Variants in HOMER1 observed in about 807,000 individuals in gnomAD.
HOMER1 encodes the protein homer scaffold protein 1, also known as homer protein homolog 1.
In HOMER1, 3 loss-of-function variants were observed where a neutral mutation model predicts 48.9. The ratio of observed to expected loss-of-function variants is 0.06; its 90% CI spans 0.03 to 0.16. The LOEUF (loss-of-function observed/expected upper bound fraction) is 0.16, where lower values mean the gene tolerates loss of function less well. Ranked by LOEUF, HOMER1 falls within the 10% of genes least tolerant of loss-of-function variation. HOMER1 has a pLI of 1.00. For missense variants in HOMER1, 247 were observed against 411.4 expected, an observed-to-expected ratio of 0.60 and a Z score of 3.46; for synonymous variants, 134 against 146.4, an observed-to-expected ratio of 0.92 and a Z score of 0.61.
At chr5:79,432,427 A>T (rs1750451521) in intron 5 of HOMER1, among the ~76,000 whole-genome samples, 1 of 152,232 alleles carries the variant, frequency 6.6e-6, no homozygotes, top group Non-Finnish European at 1.5e-5. Context: ...CTAGGAATGG[A>T]TTGATGAACA....
rs1396065196 is a variant in HOMER1 at position 79,375,874 on chromosome 5, A to C, written c.*135T>G. On this transcript the variant is annotated 3_prime_UTR_variant, in exon 9 of 9. Coordinates refer to ENST00000334082, the MANE Select transcript of HOMER1 (RefSeq NM_004272.5). ...GTGAAATATACAATTCCAATTTCAA[A>C]AGATCCTCCTCCTGGAGGAGTGATA... 4.1e-6 allele frequency: 2 copies of C among 482,190 alleles called. No homozygotes were observed. The highest frequency in any genetic ancestry group is 6.7e-5 in the East Asian group (2 of 29,806). 29.9% of individuals were successfully genotyped at this position (482,190 alleles called of 1,614,324 possible).
intron 2 of HOMER1, among the ~76,000 whole-genome samples, chr5:79,456,074 G>T (rs964327857): frequency 2.0e-5 from 3 of 148,436 alleles, no homozygotes; most frequent in Admixed American, 6.8e-5. Context: ...AAAATCACTT[G>T]AACCCAGGAG....
intron 5 of HOMER1, among the ~76,000 whole-genome samples, chr5:79,418,109 C>T (rs1749994038): frequency 6.6e-6 from 1 of 152,158 alleles, no homozygotes; most frequent in African/African-American, 2.4e-5. Context: ...TTGTTAATAG[C>T]ATGTTACTTG....
chr5:79,492,319 C>T (rs1158214929), intron 1 of HOMER1, among the ~76,000 whole-genome samples: 1 of 152,042 alleles, frequency 6.6e-6, no homozygotes, highest in African/African-American at 2.4e-5. Flanking sequence ...ACTACTTTGA[C>T]TGAAAAGTGT....
Position 79,510,547 on chromosome 5 carries a change from G to C in HOMER1, c.5+2223C>G, listed in dbSNP as rs559567097. 5.3e-6 allele frequency: 4 copies of C among 749,242 alleles called. No homozygotes were observed. In the South Asian group the frequency reaches 5.4e-5, roughly 10 times the overall value. The allele number at this position is 749,242 out of a possible 1,614,324, so 46.4% of individuals were successfully genotyped here. A position where few individuals can be genotyped will look rare whatever the true frequency, so the allele number is the denominator to read the frequency against. On this transcript the variant is annotated intron_variant, in intron 1 of 8. Transcript: ENST00000334082. ...AATCTCTTAAGGGGGTGGACCCCAA[G>C]TTCCTGAGGAACATGCAGTTTGCCA... is the stretch of plus-strand genomic sequence containing the variant.
At chr5:79,430,211 G>A (rs2112262220) in intron 5 of HOMER1, among the ~76,000 whole-genome samples, 1 of 152,172 alleles carries the variant, frequency 6.6e-6, no homozygotes, top group South Asian at 2.1e-4. Context: ...ATGAGCAAAG[G>A]ATCTGAACAG....
At chr5:79,463,635 C>T (rs1243285409) in intron 1 of HOMER1, among the ~76,000 whole-genome samples, 1 of 152,234 alleles carries the variant, frequency 6.6e-6, no homozygotes, top group African/African-American at 2.4e-5. Flanking sequence ...ATAAACTCTG[C>T]ACTAACATGC....
At chr5:79,498,327 C>T (rs1370550226) in intron 1 of HOMER1, among the ~76,000 whole-genome samples, 1 of 152,114 alleles carries the variant, frequency 6.6e-6, no homozygotes, top group African/African-American at 2.4e-5. Flanking sequence ...ACCCAGGAAG[C>T]GGAGGTTGCA....
intron 4 of HOMER1, among the ~76,000 whole-genome samples, chr5:79,443,650 G>A (rs183457315): frequency 6.6e-6 from 1 of 152,252 alleles, no homozygotes; most frequent in African/African-American, 2.4e-5. Context: ...AGTACTATAT[G>A]CTAAGTACTT....
chr5:79,376,238 T>A lies in HOMER1; in HGVS notation c.877-41A>T, dbSNP rs78515194. 6.0e-3 allele frequency: 8,713 copies of A among 1,446,402 alleles called. 410 individuals carry two copies. In the African/African-American group the frequency reaches 0.1, roughly 17 times the overall value. The allele number at this position is 1,446,402 out of a possible 1,614,324, so 89.6% of individuals were successfully genotyped here. ...TGTAACATGTATATATGTCAATTCATCACTTAGAAAACAATACAACTCTCT... is the reference window on the plus strand; with the variant it reads ...TGTAACATGTATATATGTCAATTCAACACTTAGAAAACAATACAACTCTCT... On this transcript the variant is annotated intron_variant, in intron 8 of 8. Coordinates refer to ENST00000334082, the MANE Select transcript of HOMER1 (RefSeq NM_004272.5).
chr5:79,485,088 A>G (rs1446221651), intron 1 of HOMER1, among the ~76,000 whole-genome samples: 1 of 149,052 alleles, frequency 6.7e-6, no homozygotes, highest in Non-Finnish European at 1.5e-5. Flanking sequence ...AAAACAAAAC[A>G]AAACAAAACA....
chr5:79,413,900 T>G (rs376922199), intron 5 of HOMER1, among the ~76,000 whole-genome samples: 2 of 152,186 alleles, frequency 1.3e-5, no homozygotes, highest in South Asian at 2.1e-4. Context: ...AAATAATACT[T>G]ATTGTCAAAA....
chr5:79,456,417 T>A (rs772712381), intron 2 of HOMER1, among the ~76,000 whole-genome samples: 1 of 152,172 alleles, frequency 6.6e-6, no homozygotes, highest in Non-Finnish European at 1.5e-5. Flanking sequence ...CTTATACTTC[T>A]CTTGAGAGAA....
At chr5:79,460,673 C>T (rs943540785) in intron 1 of HOMER1, among the ~76,000 whole-genome samples, 1 of 152,030 alleles carries the variant, frequency 6.6e-6, no homozygotes, top group Admixed American at 6.6e-5. Flanking sequence ...TTCCTCGGGA[C>T]ATTTCACAAT....
chr5:79,490,775 A>AC (rs1287754634), intron 1 of HOMER1, among the ~76,000 whole-genome samples: 2 of 146,824 alleles, frequency 1.4e-5, no homozygotes, highest in African/African-American at 5.1e-5. Context: ...CTACCAAAAA[A>AC]AAAAACAAAA....
At chr5:79,507,727 A>G (rs1423650460) in intron 1 of HOMER1, among the ~76,000 whole-genome samples, 1 of 151,680 alleles carries the variant, frequency 6.6e-6, no homozygotes, top group African/African-American at 2.4e-5. Flanking sequence ...AAAAAAAATC[A>G]CATGGCAGTA....
intron 1 of HOMER1, among the ~76,000 whole-genome samples, chr5:79,472,460 A>G (rs1561376998): frequency 6.6e-6 from 1 of 152,164 alleles, no homozygotes; most frequent in Non-Finnish European, 1.5e-5. Flanking sequence ...TTTTTTAACA[A>G]AGTAAATACC....
At chr5:79,384,276 G>A (rs1749053479) in intron 8 of HOMER1, among the ~76,000 whole-genome samples, 1 of 152,040 alleles carries the variant, frequency 6.6e-6, no homozygotes, top group Non-Finnish European at 1.5e-5. Flanking sequence ...GCTAGACCAA[G>A]AAGAGGAAAA....
At chr5:79,416,253 T>C (rs188241545) in intron 5 of HOMER1, among the ~76,000 whole-genome samples, 7 of 152,366 alleles carry the variant, frequency 4.6e-5, no homozygotes, top group African/African-American at 1.7e-4. Flanking sequence ...GTATTATTTA[T>C]AGCAAGTTTA....
Sources: gnomAD v4.1 joint callset for allele counts (sites outside exome capture counted in the v4.1 genomes callset) on GRCh38, gnomAD v4.1.1 for gene constraint, MANE v1.5 for transcripts, NCBI Gene and HGNC (gene_info 2026-07-23, HGNC 2026-07-21) for gene names.